TTLL10: variants seen among roughly 807,000 people sequenced by gnomAD.
TTLL10 encodes tubulin tyrosine ligase like 10.
In TTLL10, 61 loss-of-function variants were observed where a neutral mutation model predicts 69.0. The observed-to-expected ratio is 0.88, with a 90% CI of 0.72 to 1.09. The LOEUF (loss-of-function observed/expected upper bound fraction) is 1.09. TTLL10 is among the 50% of genes least tolerant of loss of function. The pLI, the probability that TTLL10 is intolerant of heterozygous loss-of-function variation, is 0.00. For missense variants in TTLL10, 962 were observed against 945.9 expected (o/e 1.02, Z -0.22); for synonymous variants, 408 against 393.3 (o/e 1.04, Z -0.44).
chr1:1,178,226 G>A (rs1464794290), intron 3 of TTLL10, among the ~76,000 whole-genome samples: 18 of 152,116 alleles, frequency 1.2e-4, no homozygotes, highest in Admixed American at 1.2e-3. Context: ...ACTGCCGTGT[G>A]CTCCCCTGTC....
chr1:1,179,964 G>A (rs1646993608), intron 5 of TTLL10, 70 bp from the exon 6 acceptor site: 2 of 1,451,106 alleles, frequency 1.4e-6, no homozygotes, highest in East Asian at 2.5e-5. Flanking sequence ...GGAGCAAACT[G>A]GCTGAGCCAT....
chr1:1,182,500 C>A (rs573675351), intron 10 of TTLL10, 54 bp downstream of exon 10: 1 of 1,578,982 alleles, frequency 6.3e-7, no homozygotes, highest in Non-Finnish European at 8.7e-7. Context: ...AGGGTGAGGG[C>A]TGGACCAAGG....
At chr1:1,175,948 C>T (rs1472287985) in intron 3 of TTLL10, 9 of 429,512 alleles carry the variant, frequency 2.1e-5, no homozygotes, top group Middle Eastern at 6.9e-4. Flanking sequence ...GAGAGGCTGA[C>T]GCTGTGCAGG....
At position 1,197,578 on chromosome 1, in the gene TTLL10, T is replaced by C. The variant is rs1391073663; in HGVS notation, c.1753T>C (p.Trp585Arg). 1.3e-6 allele frequency: 2 copies of C among 1,513,934 alleles called. No individual in the cohort carries two copies. Among genetic ancestry groups the C allele is most frequent in the Non-Finnish European group, 1.8e-6 (2 of 1,136,522 alleles). 93.8% of individuals were successfully genotyped at this position (1,513,934 alleles called of 1,614,324 possible). Residue 585 changes from tryptophan (W) to arginine (R), a missense_variant, in exon 16 of 16, where the codon TGG (tryptophan) becomes CGG (arginine). Coordinates refer to ENST00000379289, the MANE Select transcript of TTLL10 (RefSeq NM_001130045.2). ...GGGGGGCTCGTGCAGCCTCCGCCGC[T>C]GGCCGCCCCTGCCCACCCGCCAGGC... is the stretch of plus-strand genomic sequence containing the variant. ...HLGGSCSLRRWPPLPTRQAKS... is the reference protein window; with the variant it reads ...HLGGSCSLRRRPPLPTRQAKS...
chr1:1,194,735 G>A (rs549782297), intron 13 of TTLL10, among the ~76,000 whole-genome samples: 6 of 152,268 alleles, frequency 3.9e-5, no homozygotes, highest in East Asian at 1.9e-4. Context: ...TGCTGATTTC[G>A]ACGTTCTCTG....
At position 1,197,619 on chromosome 1, in the gene TTLL10, AC is replaced by A. The variant is rs1648330201; in HGVS notation, c.1797del (p.Met600CysfsTer?). The A allele has an allele frequency of 3.3e-6, 5 of 1,513,866 alleles. No homozygotes were observed. The African/African-American group carries it at 7.1e-5, about 21-fold the overall frequency. 93.8% of individuals were successfully genotyped at this position (1,513,866 alleles called of 1,614,324 possible). A position where few individuals can be genotyped will look rare whatever the true frequency, so the allele number is the denominator to read the frequency against. On this transcript the variant is annotated frameshift_variant, in exon 16 of 16. Coordinates refer to ENST00000379289, the MANE Select transcript of TTLL10 (RefSeq NM_001130045.2). LOFTEE classifies it high-confidence loss of function. ...CCCGCCAGGCCAAGTCCTCCGGGCC[AC>A]CCATGCCGCATGCCCCAGACCAGCC... is the stretch of plus-strand genomic sequence containing the variant. ...PTRQAKSSGP[P>X]MPHAPDQPGA...
At position 1,185,772 on chromosome 1, in the gene TTLL10, G is replaced by C; in HGVS notation, c.1401+663G>C. ...GTGTGTCACTGTGGCTGGGACGGCA[G>C]CGCTCAGAGGAGCCTCCAGTTACTT... is the stretch of plus-strand genomic sequence containing the variant. On this transcript the variant is annotated intron_variant, in intron 13 of 15. Coordinates refer to ENST00000379289, the MANE Select transcript of TTLL10 (RefSeq NM_001130045.2). The surrounding 1 kb of genome is among the most constrained non-coding windows in gnomAD (Gnocchi z 6.1). 1 of 985,496 alleles carries C rather than the reference G, an allele frequency of 1.0e-6. No homozygotes were observed. Among genetic ancestry groups the C allele is most frequent in the Non-Finnish European group, 1.2e-6 (1 of 829,962 alleles). 61.0% of individuals were successfully genotyped at this position (985,496 alleles called of 1,614,324 possible).
At chr1:1,183,192 C>G in intron 11 of TTLL10, 145 bp downstream of exon 11, 6 of 1,046,910 alleles carry the variant, frequency 5.7e-6, no homozygotes, top group Non-Finnish European at 8.0e-6. Context: ...GCCGGGCCCC[C>G]GTGTAGCCAG....
At chr1:1,193,991 C>T (rs1329962533) in intron 13 of TTLL10, among the ~76,000 whole-genome samples, 4 of 151,888 alleles carry the variant, frequency 2.6e-5, no homozygotes, top group Admixed American at 1.3e-4. Flanking sequence ...GACCCCATCT[C>T]TAAAAAACAA....
At chr1:1,195,163 G>A (rs1441558190) in intron 13 of TTLL10, among the ~76,000 whole-genome samples, 1 of 152,058 alleles carries the variant, frequency 6.6e-6, no homozygotes, top group African/African-American at 2.4e-5. Context: ...GCTAATTTTT[G>A]TATATTTAGT....
rs1019949725 is a variant in TTLL10, at chr1:1,185,598, C to T, written c.1401+489C>T. 1 of 989,042 alleles carries T rather than the reference C, an allele frequency of 1.0e-6. No homozygotes were observed. Among genetic ancestry groups the T allele is most frequent in the East Asian group, 1.1e-4 (1 of 8,886 alleles). The allele number at this position is 989,042 out of a possible 1,614,324, so 61.3% of individuals were successfully genotyped here. The stretch of plus-strand genomic sequence containing the variant: ...CTGTGGGGGTACCTGTGGGGTACTT[C>T]AAACAGCCCTAGCAGCAAAGGCCCT... On this transcript the variant is annotated intron_variant, in intron 13 of 15. Coordinates refer to ENST00000379289, the MANE Select transcript of TTLL10 (RefSeq NM_001130045.2). The surrounding 1 kb of genome is among the most constrained non-coding windows in gnomAD (Gnocchi z 6.1).
At position 1,181,615 on chromosome 1, in the gene TTLL10, C is replaced by A. The variant is rs112855231; in HGVS notation, c.756-126C>A. On this transcript the variant is annotated intron_variant, in intron 8 of 15. Coordinates refer to ENST00000379289, the MANE Select transcript of TTLL10 (RefSeq NM_001130045.2). The surrounding 1 kb of genome is among the most constrained non-coding windows in gnomAD (Gnocchi z 4.6). ...CCCCCAGGCACCGCCGTCCACCCAG[C>A]CACCTCCTTCCACCACAACTCACAG... 449 of 838,344 alleles carry A rather than the reference C, an allele frequency of 5.4e-4. 1 individual carries two copies. The African/African-American group carries it at 6.8e-3, about 13-fold the overall frequency. The allele number at this position is 838,344 out of a possible 1,614,324, so 51.9% of individuals were successfully genotyped here. A position where few individuals can be genotyped will look rare whatever the true frequency, so the allele number is the denominator to read the frequency against.
rs1193270463 is a variant in TTLL10, at chr1:1,177,375, G to A, written c.-27-1814G>A. Among the ~76,000 whole-genome samples, 3 of 151,990 alleles carry A rather than the reference G, an allele frequency of 2.0e-5. No homozygotes were observed. In the South Asian group the frequency reaches 6.2e-4, roughly 32 times the overall value. The stretch of plus-strand genomic sequence containing the variant: ...CGCCCAGGCTGGAGTGCAGTGGCAC[G>A]ATCTCAGCTCACTGCAAGCTCCACC... On this transcript the variant is annotated intron_variant, in intron 3 of 15. Transcript: ENST00000379289.
rs765588764 is a variant in TTLL10, at chr1:1,185,025, C to T, written c.1317C>T (p.Ser439=). ...YMLLKEHTVW[S]MEHLNRYISD... is the part of the protein sequence containing the mutation. Reference sequence around the variant, plus strand: ...TGCTGAAGGAGCACACGGTGTGGAGCATGGAACACCTCAACCGCTACATCA... The same window carrying T: ...TGCTGAAGGAGCACACGGTGTGGAGTATGGAACACCTCAACCGCTACATCA... Residue 439 remains serine (S), a synonymous_variant, in exon 13 of 16, where the codon AGC becomes AGT. Coordinates refer to ENST00000379289, the MANE Select transcript of TTLL10 (RefSeq NM_001130045.2). This position sits in a 1 kb window ranked among gnomAD's most constrained non-coding sequence, Gnocchi z 6.1. 3.7e-6 allele frequency: 6 copies of T among 1,614,054 alleles called. No homozygotes were observed. In the South Asian group the frequency reaches 6.6e-5, roughly 18 times the overall value.
Position 1,179,245 on chromosome 1 carries a change from C to T in TTLL10, c.30C>T (p.His10=). 6.5e-7 allele frequency: 1 copy of T among 1,549,682 alleles called. No homozygotes were observed. The highest frequency in any genetic ancestry group is 2.0e-5 in the Admixed American group (1 of 50,816). Reference sequence around the variant, plus strand: ...ACCACAGCTGCACCCGGTTCATCCACCGCCGGGGACCACCCACTCGGACCC... The same window carrying T: ...ACCACAGCTGCACCCGGTTCATCCATCGCCGGGGACCACCCACTCGGACCC... MDHSCTRFI[H]RRGPPTRTRA... Residue 10 remains histidine, a synonymous_variant, in exon 4 of 16, where the codon CAC becomes CAT. Transcript: ENST00000379289.
In TTLL10 at chr1:1,197,163, C is replaced by T. The variant is rs1413205698; in HGVS notation, c.1589C>T (p.Pro530Leu). 6.4e-7 allele frequency: 1 copy of T among 1,550,706 alleles called. No homozygotes were observed. Among genetic ancestry groups the T allele is most frequent in the Non-Finnish European group, 8.7e-7 (1 of 1,146,782 alleles). ...TGCGAGGTCCTGAAGGAGGTCATCC[C>T]AGGTGTGGTCATCGAGACCCTGGGT... ...TNCEVLKEVI[P>L]GVVIETLDLV... The change falls in exon 15 of 16, where the codon CCA becomes CTA. Residue 530 changes from proline (P) to leucine (L), a missense_variant. Coordinates refer to ENST00000379289, the MANE Select transcript of TTLL10 (RefSeq NM_001130045.2).
intron 15 of TTLL10, 126 bp downstream of exon 15, chr1:1,197,312 G>A: frequency 7.6e-7 from 1 of 1,318,776 alleles, no homozygotes; most frequent in African/African-American, 1.5e-5. Flanking sequence ...CTGTGTGGCA[G>A]CGCCGCCCCC....
intron 3 of TTLL10, chr1:1,176,278 A>G (rs1459780943): frequency 3.4e-5 from 15 of 443,782 alleles, no homozygotes; most frequent in Non-Finnish European, 6.3e-5. Flanking sequence ...GACGCTGTGC[A>G]GGTGGAGAGG....
intron 13 of TTLL10, among the ~76,000 whole-genome samples, chr1:1,189,973 G>T (rs1425289819): frequency 1.3e-5 from 2 of 151,950 alleles, no homozygotes; most frequent in Admixed American, 1.3e-4. Flanking sequence ...TTAGCTGGGC[G>T]TGGTGGCGGG....
Sources: allele counts gnomAD v4.1 joint callset (sites outside exome capture counted in the v4.1 genomes callset), GRCh38; gene constraint gnomAD v4.1.1; non-coding constraint Gnocchi (gnomAD v3.1); transcripts MANE v1.5; gene names NCBI Gene and HGNC (gene_info 2026-07-23, HGNC 2026-07-21).